Variants in CTIF observed in about 807,000 individuals in gnomAD.
CTIF encodes the protein CBP80/20-dependent translation initiation factor.
CTIF carries 21 observed loss-of-function variants against 66.0 expected under a neutral mutation model. The observed-to-expected ratio is 0.32, with a 90% CI of 0.23 to 0.46. The LOEUF (loss-of-function observed/expected upper bound fraction) is 0.46, where lower values mean the gene tolerates loss of function less well. CTIF is among the 20% of genes least tolerant of loss of function. The pLI is 1.00. For synonymous variants in CTIF, 345 were observed against 326.4 expected, an observed-to-expected ratio of 1.06 and a Z score of -0.62; for missense variants, 739 against 812.7, an observed-to-expected ratio of 0.91 and a Z score of 1.10.
intron 1 of CTIF, among the ~76,000 whole-genome samples, chr18:48,591,719 T>A (rs1249416833): frequency 6.6e-6 from 1 of 152,218 alleles, no homozygotes; most frequent in Admixed American, 6.5e-5. Flanking sequence ...TACCCAGCCC[T>A]TTGCATTTCT....
chr18:48,754,629 C>A (rs1403900561), intron 7 of CTIF, among the ~76,000 whole-genome samples: 2 of 152,236 alleles, frequency 1.3e-5, no homozygotes, highest in South Asian at 4.1e-4. Context: ...ACCTGTTAGT[C>A]TTTCCTACCC....
chr18:48,639,091 G>A (rs2090879108), intron 3 of CTIF, among the ~76,000 whole-genome samples: 2 of 152,252 alleles, frequency 1.3e-5, no homozygotes, highest in Non-Finnish European at 2.9e-5. Context: ...GCCTGGTGCC[G>A]TGTTGGTCTT....
intron 1 of CTIF, among the ~76,000 whole-genome samples, chr18:48,593,948 T>C (rs1272309685): frequency 6.6e-6 from 1 of 152,112 alleles, no homozygotes; most frequent in Non-Finnish European, 1.5e-5. Flanking sequence ...CACTGTGTGA[T>C]AGAGGCTCCT....
At chr18:48,624,351 G>A (rs532517880) in intron 2 of CTIF, among the ~76,000 whole-genome samples, 6 of 152,164 alleles carry the variant, frequency 3.9e-5, no homozygotes, top group Non-Finnish European at 8.8e-5. Context: ...TGGCTGAGCT[G>A]GGCTCTGGAG....
At chr18:48,765,572 G>A (rs1032515860) in intron 9 of CTIF, among the ~76,000 whole-genome samples, 1 of 152,252 alleles carries the variant, frequency 6.6e-6, no homozygotes, top group Non-Finnish European at 1.5e-5. Context: ...CCGCAGATGT[G>A]GTAAACATTC....
At chr18:48,611,403 C>T (rs542519842) in intron 1 of CTIF, among the ~76,000 whole-genome samples, 4 of 152,348 alleles carry the variant, frequency 2.6e-5, no homozygotes, top group East Asian at 3.9e-4. Flanking sequence ...CTGGGCCCTG[C>T]GTGGGCCATA....
chr18:48,807,741 A>G (rs1040849837), intron 9 of CTIF, among the ~76,000 whole-genome samples: 1 of 151,958 alleles, frequency 6.6e-6, no homozygotes, highest in African/African-American at 2.4e-5. Context: ...TGCTATGCCC[A>G]GCTAATTTTT....
chr18:48,627,498 C>T (rs1474916603), intron 2 of CTIF, among the ~76,000 whole-genome samples: 1 of 152,018 alleles, frequency 6.6e-6, no homozygotes, highest in Non-Finnish European at 1.5e-5. Flanking sequence ...ACAGGTGGAT[C>T]ACTTGAGCCC....
At chr18:48,733,133 G>C (rs983703234) in intron 7 of CTIF, among the ~76,000 whole-genome samples, 1 of 152,100 alleles carries the variant, frequency 6.6e-6, no homozygotes, top group African/African-American at 2.4e-5. Context: ...CTTCCAAAGC[G>C]TAGCTGCCCT....
intron 3 of CTIF, among the ~76,000 whole-genome samples, chr18:48,639,148 G>A (rs894618607): frequency 1.3e-5 from 2 of 152,262 alleles, no homozygotes; most frequent in African/African-American, 2.4e-5. Flanking sequence ...GGCTGGGACG[G>A]AAGGGAAGGC....
intron 7 of CTIF, among the ~76,000 whole-genome samples, chr18:48,733,944 G>T (rs1053180221): frequency 3.3e-5 from 5 of 152,212 alleles, no homozygotes; most frequent in South Asian, 4.1e-4. Flanking sequence ...TTTCAGCAGG[G>T]GTCTTCATTC....
intron 7 of CTIF, among the ~76,000 whole-genome samples, chr18:48,746,511 C>T (rs2092597701): frequency 6.6e-6 from 1 of 151,146 alleles, no homozygotes; most frequent in African/African-American, 2.4e-5. Flanking sequence ...ATGATGGTGG[C>T]ACCACCTCTC....
intron 3 of CTIF, among the ~76,000 whole-genome samples, chr18:48,648,033 T>C (rs2091082025): frequency 6.6e-6 from 1 of 152,112 alleles, no homozygotes; most frequent in Admixed American, 6.5e-5. Context: ...TTGAGGAGGA[T>C]CCCATTATTT....
intron 5 of CTIF, 73 bp downstream of exon 5, chr18:48,664,624 A>T: frequency 7.6e-7 from 1 of 1,321,776 alleles, no homozygotes; most frequent in Non-Finnish European, 1.1e-6. Flanking sequence ...CTCCACAGGG[A>T]GGCTGCTCTG....
intron 10 of CTIF, among the ~76,000 whole-genome samples, chr18:48,821,444 C>T (rs974752318): frequency 6.6e-6 from 1 of 152,266 alleles, no homozygotes; most frequent in Non-Finnish European, 1.5e-5. Context: ...GCGGTAGAAT[C>T]AGTCCTGGAA....
intron 1 of CTIF, among the ~76,000 whole-genome samples, chr18:48,579,827 A>AGT (rs1308788102): frequency 1.3e-5 from 2 of 152,200 alleles, no homozygotes; most frequent in Non-Finnish European, 2.9e-5. Flanking sequence ...ACCCCACATT[A>AGT]GTGTGTGTGT....
chr18:48,561,824 C>CT (rs1330215149), intron 1 of CTIF, among the ~76,000 whole-genome samples: 3 of 152,204 alleles, frequency 2.0e-5, no homozygotes, highest in Non-Finnish European at 4.4e-5. Context: ...TACCCCCACT[C>CT]TATTTTTCTC....
chr18:48,769,406 G>T (rs1909891139), intron 9 of CTIF, among the ~76,000 whole-genome samples: 1 of 152,256 alleles, frequency 6.6e-6, no homozygotes. Flanking sequence ...CAAAAGCCCA[G>T]AAAAGGGCTG....
At chr18:48,556,780 G>A (rs185311763) in intron 1 of CTIF, among the ~76,000 whole-genome samples, 130 of 152,160 alleles carry the variant, frequency 8.5e-4, no homozygotes, top group Non-Finnish European at 1.4e-3. Context: ...GGCCAGGCTG[G>A]TCTTGAAATC....
Sources: gnomAD v4.1 joint callset for allele counts (sites outside exome capture counted in the v4.1 genomes callset) on GRCh38, gnomAD v4.1.1 for gene constraint, MANE v1.5 for transcripts, NCBI Gene and HGNC (gene_info 2026-07-23, HGNC 2026-07-21) for gene names.